ROBO2: variants seen among roughly 807,000 people sequenced by gnomAD.
The protein encoded by ROBO2 is roundabout homolog 2.
A neutral mutation model predicts 160.8 loss-of-function variants in ROBO2; 53 were observed. The ratio of observed to expected loss-of-function variants is 0.33; its 90% CI spans 0.26 to 0.41. The LOEUF is 0.41. Among genes scored for constraint, ROBO2 ranks in the 10% least tolerant of loss-of-function variants. The pLI is 1.00. For synonymous variants in ROBO2, 664 were observed against 611.7 expected (o/e 1.09, Z -1.26); for missense variants, 1,577 against 1,722.4 (o/e 0.92, Z 1.49).
intron 2 of ROBO2, among the ~76,000 whole-genome samples, chr3:76,389,295 A>G (rs2077037511): frequency 1.3e-5 from 2 of 152,236 alleles, no homozygotes; most frequent in South Asian, 4.1e-4. Context: ...TGTAGCAGAA[A>G]AGTTATCCAC....
chr3:77,564,426 C>A (rs1019683043), intron 11 of ROBO2: 2 of 455,220 alleles, frequency 4.4e-6, no homozygotes, highest in African/African-American at 2.0e-5. Flanking sequence ...ATATTCATTA[C>A]CTGCTTCCTC....
At chr3:76,874,224 G>A (rs2072463223) in intron 2 of ROBO2, among the ~76,000 whole-genome samples, 1 of 150,214 alleles carries the variant, frequency 6.7e-6, no homozygotes, top group Non-Finnish European at 1.5e-5. Flanking sequence ...AAAAAAAAAA[G>A]TAGCTTTGAC....
intron 2 of ROBO2, among the ~76,000 whole-genome samples, chr3:76,478,614 A>G (rs2079055068): frequency 6.6e-6 from 1 of 151,724 alleles, no homozygotes; most frequent in Admixed American, 6.6e-5. Context: ...ATATTAGTTG[A>G]TTAAATGTGC....
chr3:76,007,286 T>C (rs1184048771), intron 2 of ROBO2, among the ~76,000 whole-genome samples: 1 of 152,158 alleles, frequency 6.6e-6, no homozygotes, highest in African/African-American at 2.4e-5. Flanking sequence ...AGATTATGCA[T>C]TTTTCTTTTA....
chr3:76,391,205 A>C (rs1345100309), intron 2 of ROBO2, among the ~76,000 whole-genome samples: 1 of 152,174 alleles, frequency 6.6e-6, no homozygotes. Context: ...ACGATCAAAC[A>C]GGGCCGTATA....
At chr3:77,450,000 A>G (rs1257005134) in intron 2 of ROBO2, among the ~76,000 whole-genome samples, 1 of 151,280 alleles carries the variant, frequency 6.6e-6, no homozygotes, top group East Asian at 1.9e-4. Flanking sequence ...CAGCTCTAGC[A>G]AAATAAAAAT....
chr3:77,598,438 T>TATATATATATATTTATTTATATAGA (rs1559695535), intron 19 of ROBO2, among the ~76,000 whole-genome samples: 49 of 147,400 alleles, frequency 3.3e-4, no homozygotes, highest in African/African-American at 1.2e-3. Context: ...TAGATGAATA[T>TATATATATATATTTATTTATATAGA]ATATATATAT....
At chr3:77,511,629 G>T (rs991924414) in intron 5 of ROBO2, among the ~76,000 whole-genome samples, 1 of 151,980 alleles carries the variant, frequency 6.6e-6, no homozygotes, top group African/African-American at 2.4e-5. Flanking sequence ...TTTTCAGTCA[G>T]GCCGAAGAGA....
intron 2 of ROBO2, among the ~76,000 whole-genome samples, chr3:76,056,440 G>C (rs1014210269): frequency 1.3e-5 from 2 of 151,966 alleles, no homozygotes; most frequent in African/African-American, 4.8e-5. Context: ...GTTTTTAAAA[G>C]GCATGATCAT....
chr3:76,603,348 AAAAAT>A (rs1210720487), intron 2 of ROBO2, among the ~76,000 whole-genome samples: 1 of 60,958 alleles, frequency 1.6e-5, no homozygotes, highest in African/African-American at 6.7e-5. Flanking sequence ...AAAAAAAAAA[AAAAAT>A]ATATATATAT....
At chr3:76,364,590 A>G (rs2075704318) in intron 2 of ROBO2, among the ~76,000 whole-genome samples, 1 of 152,006 alleles carries the variant, frequency 6.6e-6, no homozygotes, top group Non-Finnish European at 1.5e-5. Context: ...AAAAAAATAT[A>G]CCTGGACTAG....
At chr3:76,910,769 T>G (rs909397683) in intron 2 of ROBO2, among the ~76,000 whole-genome samples, 4 of 150,874 alleles carry the variant, frequency 2.7e-5, no homozygotes, top group Admixed American at 2.0e-4. Flanking sequence ...TCATATACAT[T>G]GTTACTATGA....
chr3:76,217,442 A>T (rs1251660804), intron 2 of ROBO2, among the ~76,000 whole-genome samples: 1 of 152,206 alleles, frequency 6.6e-6, no homozygotes, highest in Admixed American at 6.5e-5. Context: ...GAAAAGAGAG[A>T]AGAATCAAAT....
At chr3:76,757,476 A>T (rs1489470604) in intron 2 of ROBO2, among the ~76,000 whole-genome samples, 2 of 151,738 alleles carry the variant, frequency 1.3e-5, no homozygotes, top group Non-Finnish European at 2.9e-5. Context: ...AAACAGGGGG[A>T]TGAGTTGATG....
chr3:75,910,435 C>G (rs568787890), intron 1 of ROBO2, among the ~76,000 whole-genome samples: 1 of 152,064 alleles, frequency 6.6e-6, no homozygotes, highest in Non-Finnish European at 1.5e-5. Flanking sequence ...CTTAAAAGTA[C>G]CATGTTCATG....
intron 1 of ROBO2, among the ~76,000 whole-genome samples, chr3:77,080,819 G>A (rs2068577027): frequency 6.6e-6 from 1 of 152,168 alleles, no homozygotes; most frequent in Non-Finnish European, 1.5e-5. Context: ...TAAATATATA[G>A]TTATTTGGAA....
chr3:77,249,671 C>T (rs866032467), intron 2 of ROBO2, among the ~76,000 whole-genome samples: 4 of 152,024 alleles, frequency 2.6e-5, no homozygotes, highest in African/African-American at 9.7e-5. Context: ...CTTAAACATA[C>T]AAAACTTAAA....
At chr3:76,648,714 A>G (rs1482846268) in intron 2 of ROBO2, among the ~76,000 whole-genome samples, 1 of 152,128 alleles carries the variant, frequency 6.6e-6, no homozygotes, top group Non-Finnish European at 1.5e-5. Context: ...GTATATGAGT[A>G]TCCACTGTAC....
intron 2 of ROBO2, among the ~76,000 whole-genome samples, chr3:76,737,051 A>G (rs2107964844): frequency 6.6e-6 from 1 of 152,326 alleles, no homozygotes; most frequent in East Asian, 1.9e-4. Context: ...ATGGCAGAGA[A>G]TTGAGCTTAG....
Sources: allele counts gnomAD v4.1 joint callset (sites outside exome capture counted in the v4.1 genomes callset), GRCh38; gene constraint gnomAD v4.1.1; transcripts MANE v1.5; gene names NCBI Gene and HGNC (gene_info 2026-07-23, HGNC 2026-07-21).